SH3RF3: variants seen among roughly 807,000 people sequenced by gnomAD.
SH3RF3 encodes SH3 domain containing ring finger 3, also known as E3 ubiquitin-protein ligase SH3RF3.
SH3RF3 carries 29 observed loss-of-function variants against 66.3 expected under a neutral mutation model. The ratio of observed to expected loss-of-function variants is 0.44; its 90% CI spans 0.33 to 0.60. SH3RF3 has a LOEUF of 0.60. Among genes scored for constraint, SH3RF3 ranks in the 20% least tolerant of loss-of-function variants. SH3RF3 has a pLI of 0.04. For missense variants in SH3RF3, 1,194 were observed against 1,190.9 expected (o/e 1.00, Z -0.04); for synonymous variants, 583 against 532.0 (o/e 1.10, Z -1.32).
intron 1 of SH3RF3, among the ~76,000 whole-genome samples, chr2:109,167,378 G>T (rs548925502): frequency 6.6e-6 from 1 of 152,164 alleles, no homozygotes; most frequent in Admixed American, 6.5e-5. Context: ...CTGATGCCTG[G>T]ACCATATTTG....
At chr2:109,136,042 T>G (rs368925123) in intron 1 of SH3RF3, among the ~76,000 whole-genome samples, 1 of 152,224 alleles carries the variant, frequency 6.6e-6, no homozygotes, top group Non-Finnish European at 1.5e-5. Flanking sequence ...GGCTGCTTGC[T>G]GTGATGGAGC....
chr2:109,151,922 A>G (rs549745262), intron 1 of SH3RF3, among the ~76,000 whole-genome samples: 23 of 152,384 alleles, frequency 1.5e-4, no homozygotes, highest in African/African-American at 5.5e-4. Flanking sequence ...TGAAGTTAAT[A>G]TAATAACAGC....
intron 1 of SH3RF3, among the ~76,000 whole-genome samples, chr2:109,280,459 C>T (rs573287640): frequency 2.6e-5 from 4 of 152,226 alleles, no homozygotes; most frequent in South Asian, 2.1e-4. Context: ...GGAAGGGGAG[C>T]GGTGGGGAAT....
At chr2:109,380,101 C>T (rs1454138085) in intron 3 of SH3RF3, among the ~76,000 whole-genome samples, 8 of 150,406 alleles carry the variant, frequency 5.3e-5, no homozygotes, top group East Asian at 2.0e-4. Context: ...ATTTTCTTGC[C>T]GGGATCTGAC....
intron 1 of SH3RF3, among the ~76,000 whole-genome samples, chr2:109,173,374 A>G (rs1215932042): frequency 2.0e-5 from 3 of 152,116 alleles, no homozygotes; most frequent in Admixed American, 1.3e-4. Flanking sequence ...TGGGTTGTCT[A>G]TCGTGTGACT....
chr2:109,322,184 C>T (rs77348013), intron 1 of SH3RF3, among the ~76,000 whole-genome samples: 2,399 of 152,236 alleles, frequency 0.016, 27 homozygotes, highest in Non-Finnish European at 0.021. Context: ...GGAGACTCAG[C>T]GCCCCTTCAA....
chr2:109,430,382 T>C (rs1451688533), intron 5 of SH3RF3, among the ~76,000 whole-genome samples: 1 of 152,198 alleles, frequency 6.6e-6, no homozygotes, highest in Non-Finnish European at 1.5e-5. Flanking sequence ...ATCCAAGTCC[T>C]CCCTGCACTC....
rs201743885 is a variant in SH3RF3, at chr2:109,398,601, C to T, written c.957C>T (p.Ser319=). The part of the protein sequence containing the change: ...FPLLYVELND[S]AKQLIEMDKP... ...CCTTTCTCACTCAGCTCAATGACTC[C>T]GCCAAGCAGCTCATTGAGATGGACA... is the stretch of plus-strand genomic sequence containing the variant. The change falls in exon 4 of 10, where the codon TCC becomes TCT. Residue 319 remains serine (S), a synonymous_variant. Coordinates refer to ENST00000309415, the MANE Select transcript of SH3RF3 (RefSeq NM_001099289.3). 10,586 of 1,568,844 alleles carry T rather than the reference C, an allele frequency of 6.7e-3. 78 individuals are homozygous for T. Among genetic ancestry groups the T allele is most frequent in the South Asian group, 0.023 (1,995 of 85,490 alleles).
intron 1 of SH3RF3, among the ~76,000 whole-genome samples, chr2:109,181,804 C>T (rs1368727932): frequency 6.6e-6 from 1 of 152,212 alleles, no homozygotes; most frequent in Non-Finnish European, 1.5e-5. Context: ...ATACTTCATC[C>T]ATGCCACATT....
At chr2:109,297,912 TC>T (rs985670025) in intron 1 of SH3RF3, among the ~76,000 whole-genome samples, 4 of 151,108 alleles carry the variant, frequency 2.6e-5, no homozygotes, top group Admixed American at 6.6e-5. Flanking sequence ...ATGTCAATGC[TC>T]CCCACCCAGA....
At chr2:109,472,501 A>G (rs1678549427) in intron 8 of SH3RF3, among the ~76,000 whole-genome samples, 1 of 152,186 alleles carries the variant, frequency 6.6e-6, no homozygotes, top group African/African-American at 2.4e-5. Flanking sequence ...GGACTTGTGG[A>G]AAGAAGAGCT....
chr2:109,187,561 C>T (rs1560385), intron 1 of SH3RF3, among the ~76,000 whole-genome samples: 124,436 of 152,028 alleles, frequency 0.82, 51,042 homozygotes, highest in East Asian at 0.89. Flanking sequence ...CCTAAGGTGT[C>T]TAGTACAGTC....
At chr2:109,500,794 A>T (rs988685775) in intron 9 of SH3RF3, among the ~76,000 whole-genome samples, 2 of 152,180 alleles carry the variant, frequency 1.3e-5, no homozygotes, top group East Asian at 1.9e-4. Context: ...ACAAAAAAAA[A>T]TTAGAAATTG....
Position 109,164,309 on chromosome 2 carries a change from G to A in SH3RF3, c.573+34196G>A, listed in dbSNP as rs61350744. On this transcript the variant is annotated intron_variant, in intron 1 of 9. Transcript: ENST00000309415. ...GTGATCCTCCCACCTCAGCCTCCCT[G>A]AGTAGCTAGGACTACAGCACAGGCT... Among the ~76,000 whole-genome samples, 897 of 152,124 alleles carry A rather than the reference G, an allele frequency of 5.9e-3. 10 individuals are homozygous for A. The highest frequency in any genetic ancestry group is 0.02 in the African/African-American group (843 of 41,480).
chr2:109,160,444 G>A (rs1314898201), intron 1 of SH3RF3, among the ~76,000 whole-genome samples: 2 of 152,244 alleles, frequency 1.3e-5, no homozygotes, highest in Non-Finnish European at 2.9e-5. Context: ...GTGCTTTCCA[G>A]CAACAGGGTG....
rs375306683 is a variant in SH3RF3 at position 109,147,290 on chromosome 2, GCTCT to G, written c.573+17184_573+17187del. 1.1e-3 allele frequency among the ~76,000 whole-genome samples: 162 copies of G among 152,234 alleles called. 9 individuals carry two copies. The South Asian group carries it at 0.031, about 29-fold the overall frequency. On this transcript the variant is annotated intron_variant, in intron 1 of 9. Transcript: ENST00000309415. ...TATGGGGGTGTGGGGAGGTGGTGCT[GCTCT>G]CTCTCTATCAGAGGCACATCAGGGA... is the stretch of plus-strand genomic sequence containing the variant.
intron 1 of SH3RF3, among the ~76,000 whole-genome samples, chr2:109,212,167 T>C (rs1045421576): frequency 1.3e-5 from 2 of 152,190 alleles, no homozygotes; most frequent in African/African-American, 4.8e-5. Flanking sequence ...GTTTGGCTTC[T>C]GGATGACTTG....
At chr2:109,414,437 G>A (rs10202313) in intron 4 of SH3RF3, among the ~76,000 whole-genome samples, 5,336 of 152,162 alleles carry the variant, frequency 0.035, 192 homozygotes, top group African/African-American at 0.089. Context: ...TTTCAGGCAG[G>A]AGGGTAAACC....
At chr2:109,350,022 A>T (rs1354739141) in intron 2 of SH3RF3, among the ~76,000 whole-genome samples, 1 of 152,220 alleles carries the variant, frequency 6.6e-6, no homozygotes, top group Non-Finnish European at 1.5e-5. Context: ...TGTGCAGAAG[A>T]CAGGCCAGAG....
Sources: gnomAD v4.1 joint callset for allele counts (sites outside exome capture counted in the v4.1 genomes callset) on GRCh38, gnomAD v4.1.1 for gene constraint, MANE v1.5 for transcripts, NCBI Gene and HGNC (gene_info 2026-07-23, HGNC 2026-07-21) for gene names.